The following TRIM72 variants were observed in gnomAD, a reference collection of about 807,000 sequenced individuals.
TRIM72 encodes the protein tripartite motif-containing protein 72.
A neutral mutation model predicts 31.6 loss-of-function variants in TRIM72; 33 were observed. The observed-to-expected ratio is 1.04, with a 90% CI of 0.79 to 1.40. The LOEUF (loss-of-function observed/expected upper bound fraction) is 1.40, where lower values mean the gene tolerates loss of function less well. Among genes scored for constraint, TRIM72 ranks in the 40% most tolerant of loss-of-function variants. The pLI, the probability that TRIM72 is intolerant of heterozygous loss-of-function variation, is 0.00. For missense variants in TRIM72, 666 were observed against 682.7 expected (o/e 0.98, Z 0.27); for synonymous variants, 301 against 314.4 (o/e 0.96, Z 0.45).
Position 31,219,224 on chromosome 16 carries a change from G to A in TRIM72, c.486+34G>A, listed in dbSNP as rs770187987. On this transcript the variant is annotated intron_variant, in intron 3 of 6. Coordinates refer to ENST00000322122, the MANE Select transcript of TRIM72 (RefSeq NM_001008274.4). The surrounding 1 kb of genome is among the most constrained non-coding windows in gnomAD (Gnocchi z 4.2). ...TTCACAGGGCCATGTCTGAGGGCTGGGGGCCAGGCTAGGGGTCTCCAGCCA... is the reference window on the plus strand; with the variant it reads ...TTCACAGGGCCATGTCTGAGGGCTGAGGGCCAGGCTAGGGGTCTCCAGCCA... The A allele has an allele frequency of 4.3e-6, 7 of 1,614,024 alleles. No homozygotes were observed. Among genetic ancestry groups the A allele is most frequent in the Non-Finnish European group, 5.9e-6 (7 of 1,179,906 alleles).
Position 31,219,398 on chromosome 16 carries a change from GT to G in TRIM72, c.597del (p.Glu200ArgfsTer13). 7 of 1,614,004 alleles carry G rather than the reference GT, an allele frequency of 4.3e-6. No individual in the cohort carries two copies. The highest frequency in any genetic ancestry group is 5.9e-6 in the Non-Finnish European group (7 of 1,179,958). ...GACCGCGAGGCAGAGCGTGTACGGGGTGAGGCAGGGGTCGCCTTGCGCCGGG... is the reference window on the plus strand; with the variant it reads ...GACCGCGAGGCAGAGCGTGTACGGGGGAGGCAGGGGTCGCCTTGCGCCGGG... Reference protein sequence around the residue: ...SLDREAERVRGEAGVALRREL... With the variant: ...SLDREAERVRXEAGVALRREL... On this transcript the variant is annotated frameshift_variant, in exon 4 of 7. Coordinates refer to ENST00000322122, the MANE Select transcript of TRIM72 (RefSeq NM_001008274.4). LOFTEE classifies it high-confidence loss of function. The surrounding 1 kb of genome is among the most constrained non-coding windows in gnomAD (Gnocchi z 4.2).
rs2144188473 is a variant in TRIM72 at position 31,215,625 on chromosome 16, C to T, written c.390+497C>T. 6.6e-6 allele frequency among the ~76,000 whole-genome samples: 1 copy of T among 152,336 alleles called. No individual in the cohort carries two copies. Among genetic ancestry groups the T allele is most frequent in the Admixed American group, 6.5e-5 (1 of 15,300 alleles). ...TCCCCTTGTGCTCAGCGGAGGCCCA[C>T]GCACCCCTGAAGCTGCGGAACTTGG... On this transcript the variant is annotated intron_variant, in intron 2 of 6. Transcript: ENST00000322122. The surrounding 1 kb of genome is among the most constrained non-coding windows in gnomAD (Gnocchi z 6.3).
At position 31,219,561 on chromosome 16, in the gene TRIM72, T is replaced by C. The variant is rs1677757902; in HGVS notation, c.717+42T>C. 6.5e-7 allele frequency: 1 copy of C among 1,545,332 alleles called. No homozygotes were observed. Among genetic ancestry groups the C allele is most frequent in the African/African-American group, 1.4e-5 (1 of 72,990 alleles). Reference sequence around the variant, plus strand: ...CCCCCTCCCTGCCTCAGCCCCCTGCTCAGGGCCCAGAGACCTCATCCCATT... The same window carrying C: ...CCCCCTCCCTGCCTCAGCCCCCTGCCCAGGGCCCAGAGACCTCATCCCATT... On this transcript the variant is annotated intron_variant, in intron 4 of 6. Transcript: ENST00000322122. This position sits in a 1 kb window ranked among gnomAD's most constrained non-coding sequence, Gnocchi z 4.2.
At chr16:31,217,212 G>C in intron 2 of TRIM72, 2 of 646,652 alleles carry the variant, frequency 3.1e-6, no homozygotes, top group Non-Finnish European at 5.2e-6. Context: ...GGGTCCCCCA[G>C]TTTCCCCTGG....
At chr16:31,218,968 G>C in intron 2 of TRIM72, 127 bp from the exon 3 acceptor site, 1 of 843,636 alleles carries the variant, frequency 1.2e-6, no homozygotes, top group Non-Finnish European at 1.9e-6. Context: ...AAGTGGGTTT[G>C]GGGATGGGAA....
chr16:31,220,335 G>A (rs1379767796), intron 4 of TRIM72, among the ~76,000 whole-genome samples: 2 of 151,860 alleles, frequency 1.3e-5, no homozygotes, highest in Non-Finnish European at 2.9e-5. Context: ...CACCGCACCC[G>A]GCCTATTAGG....
In TRIM72 at chr16:31,219,540, C is replaced by T; in HGVS notation, c.717+21C>T. ...TCATGGTGAGCACTGGGTGACCCCC[C>T]TCCCTGCCTCAGCCCCCTGCTCAGG... On this transcript the variant is annotated intron_variant, in intron 4 of 6. Coordinates refer to ENST00000322122, the MANE Select transcript of TRIM72 (RefSeq NM_001008274.4). This position sits in a 1 kb window ranked among gnomAD's most constrained non-coding sequence, Gnocchi z 4.2. The T allele has an allele frequency of 3.8e-6, 6 of 1,592,056 alleles. No homozygotes were observed. Among genetic ancestry groups the T allele is most frequent in the Non-Finnish European group, 3.4e-6 (4 of 1,167,622 alleles).
chr16:31,217,111 C>T (rs1165911137), intron 2 of TRIM72: 1 of 1,418,470 alleles, frequency 7.0e-7, no homozygotes, highest in East Asian at 2.5e-5. Flanking sequence ...GCTGCCGCCC[C>T]CGGGGATGTC....
Position 31,222,818 on chromosome 16 carries a change from C to A in TRIM72, c.741-9C>A. On this transcript the variant is annotated splice_polypyrimidine_tract_variant and intron_variant, in intron 5 of 6. Coordinates refer to ENST00000322122, the MANE Select transcript of TRIM72 (RefSeq NM_001008274.4). ...CACACATGCCTCCCCTTCCCCTCCC[C>A]ACCCCCAGGCTGCAGAAGATCCTGG... 2 of 1,171,950 alleles carry A rather than the reference C, an allele frequency of 1.7e-6. No homozygotes were observed. Among genetic ancestry groups the A allele is most frequent in the Non-Finnish European group, 2.4e-6 (2 of 841,476 alleles). The allele number at this position is 1,171,950 out of a possible 1,614,324, so 72.6% of individuals were successfully genotyped here. A position where few individuals can be genotyped will look rare whatever the true frequency, so the allele number is the denominator to read the frequency against.
rs534405243 is a variant in TRIM72, at chr16:31,230,261, G to A, written c.*5506G>A. The A allele has an allele frequency of 4.6e-5, 7 of 152,180 alleles. No individual in the cohort carries two copies. The highest frequency in any genetic ancestry group is 8.8e-5 in the Non-Finnish European group (6 of 68,042). The allele number at this position is 152,180 out of a possible 1,614,324, so 9.4% of individuals were successfully genotyped here. Reference sequence around the variant, plus strand: ...GCATTGTGAAGACCCTGTTTCTCTAGCTGTGCAGCTGCAAGGTCACTAGGC... The same window carrying A: ...GCATTGTGAAGACCCTGTTTCTCTAACTGTGCAGCTGCAAGGTCACTAGGC... On this transcript the variant is annotated 3_prime_UTR_variant, in exon 7 of 7. Transcript: ENST00000322122.
chr16:31,214,496 G>A (rs1429661161), intron 1 of TRIM72, among the ~76,000 whole-genome samples, 199 bp downstream of exon 1: 1 of 152,206 alleles, frequency 6.6e-6, no homozygotes, highest in Non-Finnish European at 1.5e-5. Context: ...TTGACTGATA[G>A]GGCATATTTT....
rs1567493160 is a variant in TRIM72, at chr16:31,216,883, A to G, written c.390+1755A>G. ...GACCAGCTTGTCGGTGAGGTCCACG[A>G]TATCTAGCTGCCCGAGCGCGCCCCG... On this transcript the variant is annotated intron_variant, in intron 2 of 6. Transcript: ENST00000322122. The surrounding 1 kb of genome is among the most constrained non-coding windows in gnomAD (Gnocchi z 6.7). 6.2e-7 allele frequency: 1 copy of G among 1,613,980 alleles called. No homozygotes were observed.
In TRIM72 at chr16:31,215,117, G is replaced by A. The variant is rs890264579; in HGVS notation, c.379G>A (p.Ala127Thr). Reference sequence around the variant, plus strand: ...CCTCCTGCCTGCCGCCGAGGCCCACGCACGCCTCAAGGTGCGGGATCCGCG... The same window carrying A: ...CCTCCTGCCTGCCGCCGAGGCCCACACACGCCTCAAGGTGCGGGATCCGCG... ...HRLLPAAEAH[A>T]RLKTQLPQQK... Residue 127 changes from alanine (A) to threonine (T), a missense_variant, in exon 2 of 7, where the codon GCA becomes ACA. Transcript: ENST00000322122. This position sits in a 1 kb window ranked among gnomAD's most constrained non-coding sequence, Gnocchi z 6.3. 15 of 1,444,726 alleles carry A rather than the reference G, an allele frequency of 1.0e-5. No individual in the cohort carries two copies. Among genetic ancestry groups the A allele is most frequent in the Non-Finnish European group, 1.3e-5 (14 of 1,107,980 alleles). The allele number at this position is 1,444,726 out of a possible 1,614,324, so 89.5% of individuals were successfully genotyped here. A position where few individuals can be genotyped will look rare whatever the true frequency, so the allele number is the denominator to read the frequency against.
Position 31,219,391 on chromosome 16 carries a change from G to A in TRIM72, c.589G>A (p.Val197Ile), listed in dbSNP as rs555872534. ...EGSLDREAER[V>I]RGEAGVALRR... ...CTCCTTGGACCGCGAGGCAGAGCGT[G>A]TACGGGGTGAGGCAGGGGTCGCCTT... is the stretch of plus-strand genomic sequence containing the variant. The change falls in exon 4 of 7, where the codon GTA (valine) becomes ATA (isoleucine). Residue 197 changes from valine (V) to isoleucine (I), a missense_variant. By Grantham distance (29) the Val-to-Ile change is conservative. Transcript: ENST00000322122. This position sits in a 1 kb window ranked among gnomAD's most constrained non-coding sequence, Gnocchi z 4.2. The A allele has an allele frequency of 1.2e-6, 2 of 1,614,078 alleles. No individual in the cohort carries two copies. Among genetic ancestry groups the A allele is most frequent in the Admixed American group, 1.7e-5 (1 of 60,006 alleles).
At position 31,215,054 on chromosome 16, in the gene TRIM72, G is replaced by A. The variant is rs762622415; in HGVS notation, c.316G>A (p.Gly106Arg). Residue 106 changes from glycine to arginine, a missense_variant, in exon 2 of 7, where the codon GGA becomes AGA. Gly to Arg is a moderately radical substitution (Grantham distance 125). Transcript: ENST00000322122. The surrounding 1 kb of genome is among the most constrained non-coding windows in gnomAD (Gnocchi z 6.3). ...YCEQDRALVC[G>R]VCASLGSHRG... ...CGAGCAGGACCGCGCGCTGGTGTGCGGAGTGTGCGCCTCACTCGGCTCGCA... is the reference window on the plus strand; with the variant it reads ...CGAGCAGGACCGCGCGCTGGTGTGCAGAGTGTGCGCCTCACTCGGCTCGCA... 15 of 1,494,016 alleles carry A rather than the reference G, an allele frequency of 1.0e-5. No individual in the cohort carries two copies. Among genetic ancestry groups the A allele is most frequent in the Admixed American group, 2.2e-5 (1 of 44,890 alleles). 92.5% of individuals were successfully genotyped at this position (1,494,016 alleles called of 1,614,324 possible). A position where few individuals can be genotyped will look rare whatever the true frequency, so the allele number is the denominator to read the frequency against.
chr16:31,217,359 T>C, intron 2 of TRIM72: 1 of 286,330 alleles, frequency 3.5e-6, no homozygotes, highest in Non-Finnish European at 6.6e-6. Context: ...AGTGGCTTTG[T>C]AGCCTGGCAT....
Position 31,224,956 on chromosome 16 carries a change from G to A in TRIM72, c.*201G>A, listed in dbSNP as rs928161889. 2.1e-6 allele frequency: 1 copy of A among 466,456 alleles called. No individual in the cohort carries two copies. The highest frequency in any genetic ancestry group is 3.6e-6 in the Non-Finnish European group (1 of 277,442). The allele number at this position is 466,456 out of a possible 1,614,324, so 28.9% of individuals were successfully genotyped here. A position where few individuals can be genotyped will look rare whatever the true frequency, so the allele number is the denominator to read the frequency against. On this transcript the variant is annotated 3_prime_UTR_variant, in exon 7 of 7. Coordinates refer to ENST00000322122, the MANE Select transcript of TRIM72 (RefSeq NM_001008274.4). ...CTGTAATCCCAGCACTTTGGGAGAC[G>A]GAGGCGGGTGGATCACCTGAGGTCA...
Position 31,219,759 on chromosome 16 carries a change from T to C in TRIM72, c.717+240T>C, listed in dbSNP as rs977991147. Reference sequence around the variant, plus strand: ...GGTTTATATATTTATTAGGACACTCTTATTTTTATTTTTTATTTTTTGAGA... The same window carrying C: ...GGTTTATATATTTATTAGGACACTCCTATTTTTATTTTTTATTTTTTGAGA... On this transcript the variant is annotated intron_variant, in intron 4 of 6. Coordinates refer to ENST00000322122, the MANE Select transcript of TRIM72 (RefSeq NM_001008274.4). The surrounding 1 kb of genome is among the most constrained non-coding windows in gnomAD (Gnocchi z 4.2). Among the ~76,000 whole-genome samples, 2 of 152,108 alleles carry C rather than the reference T, an allele frequency of 1.3e-5. No individual in the cohort carries two copies. Among genetic ancestry groups the C allele is most frequent in the African/African-American group, 4.8e-5 (2 of 41,386 alleles).
At chr16:31,220,210 G>A (rs1043129575) in intron 4 of TRIM72, among the ~76,000 whole-genome samples, 1 of 151,554 alleles carries the variant, frequency 6.6e-6, no homozygotes, top group Admixed American at 6.6e-5. Flanking sequence ...GCTAGTTTTT[G>A]TATTTTTAGT....
Sources: allele counts gnomAD v4.1 joint callset (sites outside exome capture counted in the v4.1 genomes callset), GRCh38; gene constraint gnomAD v4.1.1; non-coding constraint Gnocchi (gnomAD v3.1); transcripts MANE v1.5; gene names NCBI Gene and HGNC (gene_info 2026-07-23, HGNC 2026-07-21).